The following PAPLN variants were observed in gnomAD, a reference collection of about 807,000 sequenced individuals.
PAPLN encodes the protein papilin, proteoglycan like sulfated glycoprotein, also known as papilin.
Under a neutral mutation model 159.0 loss-of-function variants are expected in PAPLN, and 146 were observed. The observed-to-expected ratio is 0.92, with a 90% confidence interval of 0.80 to 1.05. The LOEUF (loss-of-function observed/expected upper bound fraction) is 1.05, where lower values mean the gene tolerates loss of function less well. PAPLN is among the 50% of genes least tolerant of loss of function. The pLI is 0.00. For synonymous variants in PAPLN, 734 were observed against 702.9 expected, an observed-to-expected ratio of 1.04 and a Z score of -0.70; for missense variants, 1,720 against 1,743.9, an observed-to-expected ratio of 0.99 and a Z score of 0.24.
intron 26 of PAPLN, among the ~76,000 whole-genome samples, chr14:73,269,337 T>A (rs545185651): frequency 1.1e-4 from 17 of 152,078 alleles, no homozygotes; most frequent in African/African-American, 3.9e-4. Flanking sequence ...TACTTGTACC[T>A]AAGTGGAATC....
chr14:73,246,843 C>T (rs143669926), intron 5 of PAPLN: 1 of 152,120 alleles, frequency 6.6e-6, no homozygotes, highest in African/African-American at 2.4e-5. Flanking sequence ...ATCTCTGTAT[C>T]GTTCCAATTT....
In PAPLN at chr14:73,274,072, T is replaced by G. The variant is rs1887959795; in HGVS notation, c.*1408T>G. 6.6e-6 allele frequency: 1 copy of G among 152,208 alleles called. No individual in the cohort carries two copies. The highest frequency in any genetic ancestry group is 2.1e-4 in the South Asian group (1 of 4,834). The allele number at this position is 152,208 out of a possible 1,614,324, so 9.4% of individuals were successfully genotyped here. A position where few individuals can be genotyped will look rare whatever the true frequency, so the allele number is the denominator to read the frequency against. On this transcript the variant is annotated 3_prime_UTR_variant, in exon 27 of 27. Coordinates refer to ENST00000644200, the MANE Select transcript of PAPLN (RefSeq NM_001365906.3). Reference sequence around the variant, plus strand: ...ATGAGGAGCCCCTCTCTTCCTTAAGTAGGAATCTGTGAAGCAAAATGTTTG... The same window carrying G: ...ATGAGGAGCCCCTCTCTTCCTTAAGGAGGAATCTGTGAAGCAAAATGTTTG...
chr14:73,239,929 A>C, intron 2 of PAPLN, 97 bp downstream of exon 2: 6 of 1,458,998 alleles, frequency 4.1e-6, no homozygotes, highest in Non-Finnish European at 5.4e-6. Flanking sequence ...GAAAGGGGCG[A>C]TGTCAGGGAA....
At chr14:73,243,071 C>A (rs1883766230) in intron 2 of PAPLN, 1 of 152,232 alleles carries the variant, frequency 6.6e-6, no homozygotes. Context: ...CGGCTCACTG[C>A]AACCTCCACC....
chr14:73,252,676 C>T lies in PAPLN; in HGVS notation c.995C>T (p.Thr332Ile), dbSNP rs1411141196. Residue 332 changes from threonine (T) to isoleucine (I), a missense_variant, in exon 11 of 27, where the codon ACC becomes ATC. Thr to Ile is a moderately conservative substitution (Grantham distance 89, BLOSUM62 -1). Transcript: ENST00000644200. ...CACCAGTCCCGCCTGGTGTTCTGCA[C>T]CATCGACCATGAGGCCTACCCCGAC... is the stretch of plus-strand genomic sequence containing the variant. ...GGHQSRLVFCTIDHEAYPDHM... is the reference protein window; with the variant it reads ...GGHQSRLVFCIIDHEAYPDHM... 6.2e-7 allele frequency: 1 copy of T among 1,613,280 alleles called. No homozygotes were observed. Among genetic ancestry groups the T allele is most frequent in the Non-Finnish European group, 8.5e-7 (1 of 1,179,992 alleles).
intron 25 of PAPLN, among the ~76,000 whole-genome samples, chr14:73,267,044 T>G (rs1887293924): frequency 6.6e-6 from 1 of 152,172 alleles, no homozygotes; most frequent in Non-Finnish European, 1.5e-5. Flanking sequence ...CACTAAGGTT[T>G]CCTAACCTCA....
intron 19 of PAPLN, 161 bp from the exon 20 acceptor site, chr14:73,263,484 C>G: frequency 3.5e-6 from 3 of 863,672 alleles, no homozygotes; most frequent in East Asian, 4.9e-5. Context: ...ATTCCTGAAT[C>G]CATGGGCTTC....
At chr14:73,238,125 CG>C (rs1313123587) in intron 1 of PAPLN, among the ~76,000 whole-genome samples, 1 of 152,170 alleles carries the variant, frequency 6.6e-6, no homozygotes, top group African/African-American at 2.4e-5. Context: ...GGGCCGTGGG[CG>C]GGGGCCACGG....
chr14:73,247,796 C>CTGTGTGTGTG lies in PAPLN; in HGVS notation c.334+1621_334+1622insTGTGTGTGTG, dbSNP rs769079646. The stretch of plus-strand genomic sequence containing the variant: ...CGTGGCCCAGTGGGAGTCTCTTATC[C>CTGTGTGTGTG]CGTGTGTGTGTGTGTGTGTGTGTGT... On this transcript the variant is annotated intron_variant, in intron 5 of 26. Coordinates refer to ENST00000644200, the MANE Select transcript of PAPLN (RefSeq NM_001365906.3). Among the ~76,000 whole-genome samples, 10 of 60,624 alleles carry CTGTGTGTGTG rather than the reference C, an allele frequency of 1.6e-4. 1 individual carries two copies. Among genetic ancestry groups the CTGTGTGTGTG allele is most frequent in the African/African-American group, 3.8e-4 (5 of 13,240 alleles). The allele number at this position is 60,624 out of a possible 152,430, so 39.8% of individuals were successfully genotyped here.
At chr14:73,246,642 C>CTTTTTTTTTTT (rs60063397) in intron 5 of PAPLN, among the ~76,000 whole-genome samples, 1 of 116,856 alleles carries the variant, frequency 8.6e-6, no homozygotes, top group Non-Finnish European at 1.8e-5. Flanking sequence ...TTCTTTCTTT[C>CTTTTTTTTTTT]TTTTTTTTTT....
rs1884212913 is a variant in PAPLN, at chr14:73,245,934, G to A, written c.232-139G>A. 3.1e-6 allele frequency: 3 copies of A among 958,202 alleles called. No individual in the cohort carries two copies. Among genetic ancestry groups the A allele is most frequent in the Non-Finnish European group, 4.5e-6 (3 of 668,650 alleles). The allele number at this position is 958,202 out of a possible 1,614,324, so 59.4% of individuals were successfully genotyped here. A position where few individuals can be genotyped will look rare whatever the true frequency, so the allele number is the denominator to read the frequency against. ...GGCACGCACAGGAGTTCGGGGGTCC[G>A]GGGGGCGGACTCCACCTCCGGCGGC... On this transcript the variant is annotated intron_variant, in intron 4 of 26. Transcript: ENST00000644200. This position sits in a 1 kb window ranked among gnomAD's most constrained non-coding sequence, Gnocchi z 4.2.
rs1445895857 is a variant in PAPLN at position 73,260,711 on chromosome 14, A to C, written c.1988A>C (p.Tyr663Ser). 1.4e-6 allele frequency: 2 copies of C among 1,461,916 alleles called. No homozygotes were observed. Among genetic ancestry groups the C allele is most frequent in the Non-Finnish European group, 1.8e-6 (2 of 1,110,680 alleles). 90.6% of individuals were successfully genotyped at this position (1,461,916 alleles called of 1,614,324 possible). A position where few individuals can be genotyped will look rare whatever the true frequency, so the allele number is the denominator to read the frequency against. ...CPGAPCQQSRYGCCPDRVSVA... is the reference protein window; with the variant it reads ...CPGAPCQQSRSGCCPDRVSVA... ...GGGGCTGTGTGATGTCTGCCTAGGT[A>C]CGGGTGCTGCCCTGACAGGGTATCT... Residue 663 changes from tyrosine to serine, a missense_variant and splice_region_variant, in exon 17 of 27, where the codon TAC becomes TCC. Tyr to Ser is a moderately radical substitution (Grantham distance 144, BLOSUM62 -2). Coordinates refer to ENST00000644200, the MANE Select transcript of PAPLN (RefSeq NM_001365906.3).
chr14:73,245,527 G>C lies in PAPLN; in HGVS notation c.171-109G>C. ...GGGTCGGGGGACACCCTCTCACCTTGCTGCTCCCACTGGAGAGTCCCGCAG... is the reference window on the plus strand; with the variant it reads ...GGGTCGGGGGACACCCTCTCACCTTCCTGCTCCCACTGGAGAGTCCCGCAG... On this transcript the variant is annotated intron_variant, in intron 3 of 26. Coordinates refer to ENST00000644200, the MANE Select transcript of PAPLN (RefSeq NM_001365906.3). The surrounding 1 kb of genome is among the most constrained non-coding windows in gnomAD (Gnocchi z 4.2). 2.4e-6 allele frequency: 3 copies of C among 1,243,006 alleles called. No individual in the cohort carries two copies. The highest frequency in any genetic ancestry group is 3.4e-6 in the Non-Finnish European group (3 of 894,566). 77.0% of individuals were successfully genotyped at this position (1,243,006 alleles called of 1,614,324 possible).
chr14:73,269,124 C>G (rs1326109756), intron 26 of PAPLN, among the ~76,000 whole-genome samples: 1 of 152,212 alleles, frequency 6.6e-6, no homozygotes, highest in African/African-American at 2.4e-5. Context: ...CCACTAAAAT[C>G]TGGCCACTTT....
Position 73,252,133 on chromosome 14 carries a change from G to A in PAPLN, c.959G>A (p.Cys320Tyr). ...TCATGGAGTGACTGCAGCGCGGAGT[G>A]TGGCGGAGGTGCGGGCGTGGATGGC... The part of the protein sequence containing the change: ...HGSWSDCSAE[C>Y]GGGHQSRLVF... Residue 320 changes from cysteine (C) to tyrosine (Y), a missense_variant, in exon 10 of 27, where the codon TGT becomes TAT. Physicochemically the swap from Cys to Tyr is radical, Grantham distance 194. Transcript: ENST00000644200. 6.2e-7 allele frequency: 1 copy of A among 1,603,106 alleles called. No individual in the cohort carries two copies. The highest frequency in any genetic ancestry group is 8.5e-7 in the Non-Finnish European group (1 of 1,174,898).
At chr14:73,248,385 A>G (rs936744290) in intron 5 of PAPLN, among the ~76,000 whole-genome samples, 2 of 152,170 alleles carry the variant, frequency 1.3e-5, no homozygotes, top group Non-Finnish European at 2.9e-5. Flanking sequence ...GTCACATGAT[A>G]GAAAAATTGG....
chr14:73,261,053 G>A, intron 17 of PAPLN, 103 bp from the exon 18 acceptor site: 1 of 1,582,356 alleles, frequency 6.3e-7, no homozygotes, highest in South Asian at 1.1e-5. Flanking sequence ...CCCTGGGCTG[G>A]GGTTCTGGCC....
intron 2 of PAPLN, chr14:73,242,689 T>C (rs1883714946): frequency 6.6e-6 from 1 of 152,254 alleles, no homozygotes; most frequent in Non-Finnish European, 1.5e-5. Flanking sequence ...AAAACTTTGA[T>C]ATTTTGGCTC....
intron 26 of PAPLN, among the ~76,000 whole-genome samples, chr14:73,269,003 C>T (rs1327379288): frequency 6.6e-6 from 1 of 152,152 alleles, no homozygotes; most frequent in Non-Finnish European, 1.5e-5. Context: ...TTAATGCATG[C>T]AGGACATTCA....
Sources: allele counts gnomAD v4.1 joint callset (sites outside exome capture counted in the v4.1 genomes callset), GRCh38; gene constraint gnomAD v4.1.1; non-coding constraint Gnocchi (gnomAD v3.1); transcripts MANE v1.5; gene names NCBI Gene and HGNC (gene_info 2026-07-23, HGNC 2026-07-21).